The following SP1 variants were observed in gnomAD, a reference collection of about 807,000 sequenced individuals.
SP1 encodes the protein Sp1 transcription factor, also known as transcription factor Sp1.
A neutral mutation model predicts 66.3 loss-of-function variants in SP1; 6 were observed. That is an observed-to-expected ratio of 0.09 (90% confidence interval 0.05 to 0.18). The LOEUF is 0.18. Among genes scored for constraint, SP1 ranks in the 10% least tolerant of loss-of-function variants. The pLI, the probability that SP1 is intolerant of heterozygous loss-of-function variation, is 1.00. For synonymous variants in SP1, 417 were observed against 360.8 expected (o/e 1.16, Z -1.77); for missense variants, 848 against 964.5 (o/e 0.88, Z 1.60).
intron 3 of SP1, among the ~76,000 whole-genome samples, chr12:53,405,755 T>G (rs1187070457): frequency 6.6e-6 from 1 of 152,100 alleles, no homozygotes; most frequent in Non-Finnish European, 1.5e-5. Context: ...TCTGTTTTCC[T>G]GTACCCTTAC....
Position 53,383,565 on chromosome 12 carries a change from T to G in SP1, c.1618T>G (p.Ser540Ala). ...CATTAACCTCAGTGCATTGGGTACT[T>G]CAGGAATCCAGGTGCACCCAATTCA... is the stretch of plus-strand genomic sequence containing the variant. The part of the protein sequence containing the change: ...QTINLSALGT[S>A]GIQVHPIQGL... The change falls in exon 3 of 6, where the codon TCA becomes GCA. Residue 540 changes from serine to alanine, a missense_variant. By Grantham distance (99) the Ser-to-Ala change is moderately conservative. Coordinates refer to ENST00000327443, the MANE Select transcript of SP1 (RefSeq NM_138473.3). 1.9e-6 allele frequency: 3 copies of G among 1,613,836 alleles called. No individual in the cohort carries two copies. The highest frequency in any genetic ancestry group is 1.7e-6 in the Non-Finnish European group (2 of 1,179,952).
chr12:53,415,495 AGT>A lies in SP1; in HGVS notation c.*4258_*4259del, dbSNP rs1938977706. ...CCAAACCCAGAAAGATTTTCTCCACAGTGTTCATTTGAAAGAGGAGTATTTTG... is the reference window on the plus strand; with the variant it reads ...CCAAACCCAGAAAGATTTTCTCCACAGTTCATTTGAAAGAGGAGTATTTTG... On this transcript the variant is annotated 3_prime_UTR_variant, in exon 6 of 6. Transcript: ENST00000327443. 1 of 152,320 alleles carries A rather than the reference AGT, an allele frequency of 6.6e-6. No homozygotes were observed. Among genetic ancestry groups the A allele is most frequent in the South Asian group, 2.1e-4 (1 of 4,810 alleles). 9.4% of individuals were successfully genotyped at this position (152,320 alleles called of 1,614,324 possible). A position where few individuals can be genotyped will look rare whatever the true frequency, so the allele number is the denominator to read the frequency against.
intron 3 of SP1, among the ~76,000 whole-genome samples, chr12:53,393,387 C>T (rs1938400593): frequency 1.3e-5 from 2 of 151,882 alleles, no homozygotes; most frequent in East Asian, 1.9e-4. Flanking sequence ...CGGGTTCAAC[C>T]GATTCTCCTG....
intron 3 of SP1, among the ~76,000 whole-genome samples, chr12:53,400,652 G>A (rs909145465): frequency 2.6e-5 from 4 of 151,784 alleles, no homozygotes; most frequent in East Asian, 3.9e-4. Flanking sequence ...GGAGTGGTAC[G>A]CTCTAGGCTC....
intron 3 of SP1, among the ~76,000 whole-genome samples, chr12:53,389,863 G>A (rs1938311275): frequency 6.6e-6 from 1 of 152,104 alleles, no homozygotes; most frequent in Admixed American, 6.6e-5. Context: ...GCTTTGGCAG[G>A]AGAATAGAAC....
chr12:53,392,918 G>A (rs753417989), intron 3 of SP1, among the ~76,000 whole-genome samples: 9 of 152,148 alleles, frequency 5.9e-5, no homozygotes, highest in East Asian at 3.9e-4. Flanking sequence ...TCCACCTCTC[G>A]GGTTCAAGCG....
chr12:53,386,734 C>T (rs1329265284), intron 3 of SP1, among the ~76,000 whole-genome samples: 1 of 151,980 alleles, frequency 6.6e-6, no homozygotes, highest in Non-Finnish European at 1.5e-5. Context: ...AGTGATCTGC[C>T]TGCCTTGGCC....
rs1418400072 is a variant in SP1, at chr12:53,411,579, TC to T, written c.*341del. 1.7e-5 allele frequency: 3 copies of T among 181,734 alleles called. No individual in the cohort carries two copies. The highest frequency in any genetic ancestry group is 3.4e-5 in the Non-Finnish European group (3 of 87,966). 11.3% of individuals were successfully genotyped at this position (181,734 alleles called of 1,614,324 possible). ...CTTCCATGATGGATTCCCCCCCCTTTCCTAAAGCCATCATGCCTTGATAAAT... is the reference window on the plus strand; with the variant it reads ...CTTCCATGATGGATTCCCCCCCCTTTCTAAAGCCATCATGCCTTGATAAAT... On this transcript the variant is annotated 3_prime_UTR_variant, in exon 6 of 6. Coordinates refer to ENST00000327443, the MANE Select transcript of SP1 (RefSeq NM_138473.3).
At chr12:53,394,266 C>G (rs963430424) in intron 3 of SP1, among the ~76,000 whole-genome samples, 8 of 151,830 alleles carry the variant, frequency 5.3e-5, no homozygotes, top group African/African-American at 1.9e-4. Context: ...TGGTTTCTTG[C>G]ACTCATGAAA....
chr12:53,386,751 AC>A (rs1938238339), intron 3 of SP1, among the ~76,000 whole-genome samples: 1 of 151,906 alleles, frequency 6.6e-6, no homozygotes, highest in African/African-American at 2.4e-5. Flanking sequence ...GGCCTCCCAA[AC>A]TGCTGGGATT....
Position 53,412,430 on chromosome 12 carries a change from C to A in SP1, c.*1190C>A, listed in dbSNP as rs747712940. On this transcript the variant is annotated 3_prime_UTR_variant, in exon 6 of 6. Transcript: ENST00000327443. Reference sequence around the variant, plus strand: ...GCTCTAAGTTTTGATGTGTGGGCTTCTGAGTTTATATTCTGAAAGGAAATA... The same window carrying A: ...GCTCTAAGTTTTGATGTGTGGGCTTATGAGTTTATATTCTGAAAGGAAATA... The A allele has an allele frequency of 7.9e-5, 12 of 152,540 alleles. No individual in the cohort carries two copies. The highest frequency in any genetic ancestry group is 1.5e-4 in the Non-Finnish European group (10 of 68,026). 9.4% of individuals were successfully genotyped at this position (152,540 alleles called of 1,614,324 possible).
chr12:53,394,543 C>T (rs1374428728), intron 3 of SP1, among the ~76,000 whole-genome samples: 1 of 143,946 alleles, frequency 6.9e-6, no homozygotes, highest in African/African-American at 2.6e-5. Flanking sequence ...GTTGGGTTTA[C>T]GGATATCGGC....
chr12:53,400,736 G>A (rs1938591267), intron 3 of SP1, among the ~76,000 whole-genome samples: 2 of 146,544 alleles, frequency 1.4e-5, no homozygotes, highest in Non-Finnish European at 3.0e-5. Context: ...TTACAGGTGT[G>A]TACCACCACA....
intron 3 of SP1, among the ~76,000 whole-genome samples, chr12:53,385,314 G>A (rs1391761685): frequency 2.7e-5 from 4 of 148,750 alleles, no homozygotes; most frequent in Non-Finnish European, 4.5e-5. Flanking sequence ...AATAAAAGGC[G>A]GCCGGGCGCG....
chr12:53,406,591 A>T lies in SP1; in HGVS notation c.1682A>T (p.His561Leu), dbSNP rs781039999. Residue 561 changes from histidine (H) to leucine (L), a missense_variant, in exon 4 of 6, where the codon CAT (histidine) becomes CTT (leucine). Coordinates refer to ENST00000327443, the MANE Select transcript of SP1 (RefSeq NM_138473.3). ...PLAIANAPGD[H>L]GAQLGLHGAG... ...TTTTCTCTCTTAATTTCAGGTGATCATGGAGCTCAGCTTGGTCTCCATGGG... is the reference window on the plus strand; with the variant it reads ...TTTTCTCTCTTAATTTCAGGTGATCTTGGAGCTCAGCTTGGTCTCCATGGG... 2 of 1,613,908 alleles carry T rather than the reference A, an allele frequency of 1.2e-6. No individual in the cohort carries two copies. The highest frequency in any genetic ancestry group is 2.2e-5 in the South Asian group (2 of 91,078).
At chr12:53,380,510 AGGGGGCAGCGTGGCCTCGCCCG>A in intron 1 of SP1, 1 of 446,902 alleles carries the variant, frequency 2.2e-6, no homozygotes, top group Non-Finnish European at 3.3e-6. Context: ...GCCCCGGGGG[AGGGGGCAGCGTGGCCTCGCCCG>A]CCCCCTGCCC....
In SP1 at chr12:53,415,289, C is replaced by CTGTT. The variant is rs1435502189; in HGVS notation, c.*4051_*4054dup. The stretch of plus-strand genomic sequence containing the variant: ...TGAGCAGACCAGCTTTGAGGTTGAC[C>CTGTT]TGTTTCTCTTTGTCTGCCTTCCCAA... On this transcript the variant is annotated 3_prime_UTR_variant, in exon 6 of 6. Coordinates refer to ENST00000327443, the MANE Select transcript of SP1 (RefSeq NM_138473.3). 2.6e-5 allele frequency: 4 copies of CTGTT among 152,560 alleles called. No individual in the cohort carries two copies. The highest frequency in any genetic ancestry group is 5.9e-5 in the Non-Finnish European group (4 of 68,092). 9.5% of individuals were successfully genotyped at this position (152,560 alleles called of 1,614,324 possible).
Position 53,409,381 on chromosome 12 carries a change from A to C in SP1, c.1864A>C (p.Lys622Gln), listed in dbSNP as rs771796117. Residue 622 changes from lysine (K) to glutamine (Q), a missense_variant, in exon 5 of 6, where the codon AAA (lysine) becomes CAA (glutamine). By Grantham distance (53) the Lys-to-Gln change is moderately conservative (BLOSUM62 1). This residue lies in a region of SP1 where 18 missense variants were observed against 19.0 expected (regional missense o/e 0.95). Coordinates refer to ENST00000327443, the MANE Select transcript of SP1 (RefSeq NM_138473.3). ...SEGRGSGDPG[K>Q]KKQHICHIQG... ...TTTCAGGGGCTCGGGGGATCCTGGC[A>C]AAAAGAAACAGCATATTTGCCACAT... The C allele has an allele frequency of 6.8e-6, 11 of 1,613,968 alleles. No homozygotes were observed. Among genetic ancestry groups the C allele is most frequent in the Non-Finnish European group, 8.5e-6 (10 of 1,179,950 alleles).
Position 53,383,287 on chromosome 12 carries a change from G to T in SP1, c.1340G>T (p.Gly447Val), listed in dbSNP as rs376012457. 6.2e-7 allele frequency: 1 copy of T among 1,614,190 alleles called. No individual in the cohort carries two copies. The highest frequency in any genetic ancestry group is 8.5e-7 in the Non-Finnish European group (1 of 1,180,048). ...CAGCTTCAGGCTGTTCCAAACTCTG[G>T]TCCCATCATCATCCGGACACCAACA... The part of the protein sequence containing the change: ...NLQLQAVPNS[G>V]PIIIRTPTVG... Residue 447 changes from glycine to valine, a missense_variant, in exon 3 of 6, where the codon GGT (glycine) becomes GTT (valine). By Grantham distance (109) the Gly-to-Val change is moderately radical (BLOSUM62 -3). Transcript: ENST00000327443.
Sources: gnomAD v4.1 joint callset for allele counts (sites outside exome capture counted in the v4.1 genomes callset) on GRCh38, gnomAD v4.1.1 for gene constraint, gnomAD v4.1.1 regional missense constraint, MANE v1.5 for transcripts, NCBI Gene and HGNC (gene_info 2026-07-23, HGNC 2026-07-21) for gene names.